Variants in AIPL1 observed in about 807,000 individuals in gnomAD.
AIPL1 encodes aryl-hydrocarbon-interacting protein-like 1.
AIPL1 carries 23 observed loss-of-function variants against 32.9 expected under a neutral mutation model. The ratio of observed to expected loss-of-function variants is 0.70; its 90% CI spans 0.50 to 0.99. AIPL1 has a LOEUF of 0.99. Ranked by LOEUF, AIPL1 falls within the 50% of genes least tolerant of loss-of-function variation. The pLI, the probability that AIPL1 is intolerant of heterozygous loss-of-function variation, is 0.00. For missense variants in AIPL1, 485 were observed against 506.0 expected (o/e 0.96, Z 0.40); for synonymous variants, 210 against 209.4 (o/e 1.00, Z -0.02).
chr17:6,425,341 A>G lies in AIPL1; in HGVS notation c.*119T>C. ...TTTTTTTTTACCATGGGTGTGTCTG[A>G]CTTTGATTTCAAAAATTAATTTTAA... is the stretch of plus-strand genomic sequence containing the variant. On this transcript the variant is annotated 3_prime_UTR_variant, in exon 6 of 6. Transcript: ENST00000381129. The G allele has an allele frequency of 1.7e-6, 2 of 1,191,108 alleles. No individual in the cohort carries two copies. Among genetic ancestry groups the G allele is most frequent in the Non-Finnish European group, 1.1e-6 (1 of 891,590 alleles). 73.8% of individuals were successfully genotyped at this position (1,191,108 alleles called of 1,614,324 possible).
chr17:6,425,305 TTG>T lies in AIPL1; in HGVS notation c.*153_*154del, dbSNP rs886053263. 26 of 829,150 alleles carry T rather than the reference TTG, an allele frequency of 3.1e-5. No individual in the cohort carries two copies. Among genetic ancestry groups the T allele is most frequent in the Admixed American group, 1.2e-4 (3 of 25,744 alleles). The allele number at this position is 829,150 out of a possible 1,614,324, so 51.4% of individuals were successfully genotyped here. A position where few individuals can be genotyped will look rare whatever the true frequency, so the allele number is the denominator to read the frequency against. On this transcript the variant is annotated 3_prime_UTR_variant, in exon 6 of 6. Coordinates refer to ENST00000381129, the MANE Select transcript of AIPL1 (RefSeq NM_014336.5). ...CATAAGCTCTTCTGTACCCTTGGGA[TTG>T]TTTTTTTTTTTTTTTTTACCATGGG... is the stretch of plus-strand genomic sequence containing the variant.
At chr17:6,433,611 T>TCTCTCTCACACA (rs758622569) in intron 2 of AIPL1, among the ~76,000 whole-genome samples, 23 of 106,256 alleles carry the variant, frequency 2.2e-4, no homozygotes, top group East Asian at 3.1e-4. Flanking sequence ...TCTCTCTCTC[T>TCTCTCTCACACA]CACACACACA....
rs925615 is a variant in AIPL1 at position 6,427,083 on chromosome 17, A to G, written c.466-26T>C. 0.076 allele frequency: 123,196 copies of G among 1,613,450 alleles called. 4,977 individuals carry two copies. The highest frequency in any genetic ancestry group is 0.084 in the Non-Finnish European group (98,812 of 1,179,854). Reference sequence around the variant, plus strand: ...CTGGCCCCAGAGCTGCAGGTCAGTGAGGCAGGGACCCCAGGGGCCTGCACC... The same window carrying G: ...CTGGCCCCAGAGCTGCAGGTCAGTGGGGCAGGGACCCCAGGGGCCTGCACC... On this transcript the variant is annotated intron_variant, in intron 3 of 5. Transcript: ENST00000381129.
chr17:6,428,512 G>A lies in AIPL1; in HGVS notation c.277-6C>T, dbSNP rs1303374732. On this transcript the variant is annotated splice_polypyrimidine_tract_variant and splice_region_variant and intron_variant, in intron 2 of 5. Transcript: ENST00000381129. ...ATGGGGTAGACCCCCGTGTGCTGTG[G>A]GGATAAACGGATGGATGGCATCCAG... The A allele has an allele frequency of 6.2e-7, 1 of 1,613,690 alleles. No individual in the cohort carries two copies. The highest frequency in any genetic ancestry group is 8.5e-7 in the Non-Finnish European group (1 of 1,179,854).
At chr17:6,426,212 G>A (rs1221901669) in intron 5 of AIPL1, 1 of 1,278,634 alleles carries the variant, frequency 7.8e-7, no homozygotes, top group Non-Finnish European at 9.9e-7. Context: ...GCCAGGGGCT[G>A]GATGTTTTTA....
chr17:6,435,050 C>G lies in AIPL1; in HGVS notation c.55G>C (p.Gly19Arg), dbSNP rs777056827. The change falls in exon 1 of 6, where the codon GGG becomes CGG. Residue 19 changes from glycine (G) to arginine (R), a missense_variant. Transcript: ENST00000381129. ...VEGVKKTILHGGTGELPNFIT... is the reference protein window; with the variant it reads ...VEGVKKTILHRGTGELPNFIT... ...AAGTTTGGGAGCTCGCCCGTGCCCC[C>G]GTGCAGAATGGTTTTCTTGACCCCT... 5.6e-6 allele frequency: 9 copies of G among 1,614,092 alleles called. No individual in the cohort carries two copies. In the African/African-American group the frequency reaches 9.3e-5, roughly 17 times the overall value.
At chr17:6,433,817 C>A (rs1455486207) in intron 2 of AIPL1, 102 bp downstream of exon 2, 17 of 1,417,782 alleles carry the variant, frequency 1.2e-5, no homozygotes, top group Non-Finnish European at 1.7e-5. Context: ...TGCAAAGCTT[C>A]GCTTGAGTCC....
intron 3 of AIPL1, 100 bp downstream of exon 3, chr17:6,428,216 CAG>C: frequency 1.6e-6 from 2 of 1,289,704 alleles, no homozygotes; most frequent in South Asian, 2.4e-5. Flanking sequence ...TAAACAGAAA[CAG>C]GGCACTGTCC....
At chr17:6,434,163 C>G in intron 1 of AIPL1, 65 bp from the exon 2 acceptor site, 7 of 1,566,460 alleles carry the variant, frequency 4.5e-6, no homozygotes, top group Non-Finnish European at 5.2e-6. Flanking sequence ...AAGCCACCCC[C>G]TTGCCACCGA....
At chr17:6,430,084 TGTGC>T (rs753901406) in intron 2 of AIPL1, among the ~76,000 whole-genome samples, 1 of 140,766 alleles carries the variant, frequency 7.1e-6, no homozygotes, top group Non-Finnish European at 1.6e-5. Flanking sequence ...TGTGTGTGTG[TGTGC>T]ATGCGTACAT....
At chr17:6,431,601 A>G (rs754110267) in intron 2 of AIPL1, among the ~76,000 whole-genome samples, 3 of 152,250 alleles carry the variant, frequency 2.0e-5, no homozygotes, top group Non-Finnish European at 4.4e-5. Context: ...GAAGGAATAG[A>G]GTAGCAGACA....
rs752193525 is a variant in AIPL1 at position 6,435,070 on chromosome 17, A to AC, written c.34dup (p.Val12GlyfsTer32). 1.9e-6 allele frequency: 3 copies of AC among 1,614,036 alleles called. No homozygotes were observed. Among genetic ancestry groups the AC allele is most frequent in the Non-Finnish European group, 2.5e-6 (3 of 1,180,002 alleles). On this transcript the variant is annotated frameshift_variant, in exon 1 of 6. Transcript: ENST00000381129. LOFTEE classifies it high-confidence loss of function. ...GCCCCCGTGCAGAATGGTTTTCTTG[A>AC]CCCCTTCCACGTTCAGGAGCAGAGC...
At chr17:6,426,338 T>C in intron 5 of AIPL1, 1 of 1,397,894 alleles carries the variant, frequency 7.2e-7, no homozygotes, top group East Asian at 2.7e-5. Context: ...TGCCCCTCTT[T>C]TTTAAACGCC....
chr17:6,430,777 T>C (rs1363125814), intron 2 of AIPL1, among the ~76,000 whole-genome samples: 1 of 152,166 alleles, frequency 6.6e-6, no homozygotes, highest in Non-Finnish European at 1.5e-5. Context: ...GCAAAGTCAA[T>C]AGATATATTT....
At chr17:6,431,256 G>T (rs906437260) in intron 2 of AIPL1, among the ~76,000 whole-genome samples, 1 of 151,424 alleles carries the variant, frequency 6.6e-6, no homozygotes, top group Admixed American at 6.6e-5. Context: ...GACCAGCTTG[G>T]TCCAACATGA....
At chr17:6,425,928 C>T in intron 5 of AIPL1, 98 bp from the exon 6 acceptor site, 2 of 1,462,396 alleles carry the variant, frequency 1.4e-6, no homozygotes, top group Non-Finnish European at 1.8e-6. Flanking sequence ...ACCCTCAGCC[C>T]CGCCATGATC....
rs1023896686 is a variant in AIPL1 at position 6,424,796 on chromosome 17, C to G, written c.*664G>C. 9 of 152,214 alleles carry G rather than the reference C, an allele frequency of 5.9e-5. No homozygotes were observed. The highest frequency in any genetic ancestry group is 2.2e-4 in the African/African-American group (9 of 41,432). 9.4% of individuals were successfully genotyped at this position (152,214 alleles called of 1,614,324 possible). ...GCCAGGCTGGTCTGGAACTCCTGAC[C>G]TCAGGTGATCCACCCGCCTCGGCCT... On this transcript the variant is annotated 3_prime_UTR_variant, in exon 6 of 6. Transcript: ENST00000381129.
intron 5 of AIPL1, 29 bp downstream of exon 5, chr17:6,426,585 CT>C: frequency 6.2e-7 from 1 of 1,609,412 alleles, no homozygotes; most frequent in African/African-American, 1.3e-5. Context: ...TGGGCGCCCC[CT>C]CACTGTCCGC....
rs776024427 is a variant in AIPL1, at chr17:6,434,005, C to G, written c.190G>C (p.Gly64Arg). Residue 64 changes from glycine (G) to arginine (R), a missense_variant, in exon 2 of 6, where the codon GGA (glycine) becomes CGA (arginine). Gly to Arg is a moderately radical substitution (Grantham distance 125). Coordinates refer to ENST00000381129, the MANE Select transcript of AIPL1 (RefSeq NM_014336.5). ...CAGACCTCGAGCTTGAACATGTTTC[C>G]GATGATGATGTGCATGGGCTGGCCC... Reference protein sequence around the residue: ...QVGQPMHIIIGNMFKLEVWEI... With the variant: ...QVGQPMHIIIRNMFKLEVWEI... 1.2e-6 allele frequency: 2 copies of G among 1,614,124 alleles called. No homozygotes were observed. Among genetic ancestry groups the G allele is most frequent in the Admixed American group, 1.7e-5 (1 of 60,018 alleles).
Sources: allele counts gnomAD v4.1 joint callset (sites outside exome capture counted in the v4.1 genomes callset), GRCh38; gene constraint gnomAD v4.1.1; transcripts MANE v1.5; gene names NCBI Gene and HGNC (gene_info 2026-07-23, HGNC 2026-07-21).